The following XKR6 variants were observed in gnomAD, a reference collection of about 807,000 sequenced individuals.
XKR6 encodes XK-related protein 6.
A neutral mutation model predicts 56.7 loss-of-function variants in XKR6; 22 were observed. The ratio of observed to expected loss-of-function variants is 0.39; its 90% CI spans 0.28 to 0.55. XKR6 has a LOEUF of 0.55. Among genes scored for constraint, XKR6 ranks in the 20% least tolerant of loss-of-function variants. The pLI, the probability that XKR6 is intolerant of heterozygous loss-of-function variation, is 0.66. For missense variants in XKR6, 852 were observed against 889.0 expected (o/e 0.96, Z 0.53); for synonymous variants, 524 against 387.8 (o/e 1.35, Z -4.13).
intron 1 of XKR6, among the ~76,000 whole-genome samples, chr8:10,948,309 C>G (rs1316455604): frequency 6.6e-6 from 1 of 152,194 alleles, no homozygotes; most frequent in Non-Finnish European, 1.5e-5. Flanking sequence ...GTCCTGCTGT[C>G]CCTCATCCCA....
chr8:10,940,268 A>C (rs1424476029), intron 1 of XKR6, among the ~76,000 whole-genome samples: 1 of 152,164 alleles, frequency 6.6e-6, no homozygotes, highest in Non-Finnish European at 1.5e-5. Flanking sequence ...TGGGCACCAC[A>C]CTCACAGGAC....
intron 1 of XKR6, among the ~76,000 whole-genome samples, chr8:11,135,275 A>T (rs1800330507): frequency 6.6e-6 from 1 of 152,074 alleles, no homozygotes; most frequent in Admixed American, 6.5e-5. Flanking sequence ...GTGATCCGCC[A>T]GTCTCAGCCT....
At chr8:11,188,900 T>C (rs756031207) in intron 1 of XKR6, among the ~76,000 whole-genome samples, 1 of 152,134 alleles carries the variant, frequency 6.6e-6, no homozygotes, top group Non-Finnish European at 1.5e-5. Flanking sequence ...CCCATGTACA[T>C]TTCTAGGTGG....
chr8:11,093,903 C>G (rs1798171882), intron 1 of XKR6, among the ~76,000 whole-genome samples: 1 of 151,794 alleles, frequency 6.6e-6, no homozygotes, highest in African/African-American at 2.4e-5. Flanking sequence ...CCTGCCTCAG[C>G]CTCCCAAGTA....
At chr8:10,970,576 T>G (rs776528764) in intron 1 of XKR6, among the ~76,000 whole-genome samples, 1 of 152,014 alleles carries the variant, frequency 6.6e-6, no homozygotes, top group Non-Finnish European at 1.5e-5. Flanking sequence ...AGGAAGACAT[T>G]GAGATGTCTT....
intron 1 of XKR6, among the ~76,000 whole-genome samples, chr8:11,003,528 A>T (rs114040214): frequency 0.037 from 5,561 of 152,274 alleles, 115 homozygotes; most frequent in African/African-American, 0.04. Context: ...TACCAGACTG[A>T]TACTAATACT....
At chr8:11,171,914 G>A (rs1194992117) in intron 1 of XKR6, among the ~76,000 whole-genome samples, 6 of 152,090 alleles carry the variant, frequency 3.9e-5, no homozygotes, top group South Asian at 2.1e-4. Context: ...TTAGCCAGCC[G>A]TGGTGGCAGG....
At chr8:11,063,902 T>C (rs1259716690) in intron 1 of XKR6, among the ~76,000 whole-genome samples, 1 of 152,214 alleles carries the variant, frequency 6.6e-6, no homozygotes, top group African/African-American at 2.4e-5. Context: ...CATCTCTTTC[T>C]CTTTGAACTT....
At chr8:11,059,416 C>T (rs1799770167) in intron 1 of XKR6, among the ~76,000 whole-genome samples, 2 of 152,240 alleles carry the variant, frequency 1.3e-5, no homozygotes, top group African/African-American at 4.8e-5. Context: ...AAGGGAGTCC[C>T]CGGCCGAGGG....
chr8:11,038,927 C>A (rs1294403695), intron 1 of XKR6, among the ~76,000 whole-genome samples: 2 of 151,940 alleles, frequency 1.3e-5, no homozygotes, highest in Non-Finnish European at 2.9e-5. Flanking sequence ...GCTTTAGCTA[C>A]CTGCTTACAC....
intron 1 of XKR6, among the ~76,000 whole-genome samples, chr8:11,114,506 T>A (rs1330685995): frequency 1.3e-5 from 2 of 152,086 alleles, no homozygotes; most frequent in Non-Finnish European, 2.9e-5. Context: ...AGATTACAGG[T>A]GCCCACCACC....
chr8:11,099,252 C>A (rs1190404446), intron 1 of XKR6, among the ~76,000 whole-genome samples: 2 of 152,230 alleles, frequency 1.3e-5, no homozygotes, highest in African/African-American at 4.8e-5. Flanking sequence ...AATCTGGAAG[C>A]TTGGCAAGGC....
At chr8:10,943,744 C>G (rs1455920252) in intron 1 of XKR6, among the ~76,000 whole-genome samples, 1 of 151,860 alleles carries the variant, frequency 6.6e-6, no homozygotes, top group Non-Finnish European at 1.5e-5. Flanking sequence ...GGGGTTCATA[C>G]CCAGGTGGTT....
chr8:11,030,882 A>G (rs902516783), intron 1 of XKR6, among the ~76,000 whole-genome samples: 2 of 152,206 alleles, frequency 1.3e-5, no homozygotes, highest in African/African-American at 2.4e-5. Flanking sequence ...CTATGTCACT[A>G]CCATTCAATA....
intron 1 of XKR6, among the ~76,000 whole-genome samples, chr8:10,967,942 C>T (rs1428016046): frequency 6.6e-6 from 1 of 152,164 alleles, no homozygotes; most frequent in African/African-American, 2.4e-5. Flanking sequence ...AACCCCAGAG[C>T]CCTAGGAGAT....
chr8:11,201,070 C>G lies in XKR6; in HGVS notation c.270G>C (p.Gly90=), dbSNP rs1318270781. The change falls in exon 1 of 3, where the codon GGG becomes GGC. Residue 90 remains glycine, a synonymous_variant. Transcript: ENST00000416569. ...RKPRRSAAAD[G]GDQPLQPPAA... ...CGGGAGGCTGCAGCGGCTGGTCCCC[C>G]CCGTCGGCGGCGGCGCTGCGGCGCG... 3.5e-5 allele frequency: 47 copies of G among 1,326,968 alleles called. 1 individual carries two copies. The Admixed American group carries it at 5.2e-4, about 15-fold the overall frequency. The allele number at this position is 1,326,968 out of a possible 1,614,324, so 82.2% of individuals were successfully genotyped here.
intron 2 of XKR6, among the ~76,000 whole-genome samples, chr8:10,905,504 C>T (rs1350225749): frequency 6.6e-6 from 1 of 152,186 alleles, no homozygotes; most frequent in African/African-American, 2.4e-5. Flanking sequence ...GATGTGGCCA[C>T]AGCCATATCC....
chr8:10,897,690 A>G lies in XKR6; in HGVS notation c.*262T>C, dbSNP rs970615590. 10 of 383,966 alleles carry G rather than the reference A, an allele frequency of 2.6e-5. No individual in the cohort carries two copies. In the East Asian group the frequency reaches 4.0e-4, roughly 15 times the overall value. The allele number at this position is 383,966 out of a possible 1,614,324, so 23.8% of individuals were successfully genotyped here. A position where few individuals can be genotyped will look rare whatever the true frequency, so the allele number is the denominator to read the frequency against. ...ATACTGTTTCTTATGTGTAAAAAAC[A>G]AAAGAAAGGTTTTCTTTTTGTTTTT... On this transcript the variant is annotated 3_prime_UTR_variant, in exon 3 of 3. Coordinates refer to ENST00000416569, the MANE Select transcript of XKR6 (RefSeq NM_173683.4).
At chr8:11,081,261 TA>T (rs1395101914) in intron 1 of XKR6, among the ~76,000 whole-genome samples, 1 of 152,254 alleles carries the variant, frequency 6.6e-6, no homozygotes, top group Non-Finnish European at 1.5e-5. Context: ...ACTTTACCTT[TA>T]GCTTGACCTC....
Sources: gnomAD v4.1 joint callset for allele counts (sites outside exome capture counted in the v4.1 genomes callset) on GRCh38, gnomAD v4.1.1 for gene constraint, MANE v1.5 for transcripts, NCBI Gene and HGNC (gene_info 2026-07-23, HGNC 2026-07-21) for gene names.